Variants in CNTN6 observed in about 807,000 individuals in gnomAD.
CNTN6 encodes contactin-6.
CNTN6 carries 137 observed loss-of-function variants against 122.8 expected under a neutral mutation model. That is an observed-to-expected ratio of 1.12 (90% CI 0.97 to 1.29). The LOEUF is 1.29. CNTN6 is among the 50% of genes most tolerant of loss of function. CNTN6 has a pLI of 0.00. For synonymous variants in CNTN6, 570 were observed against 426.0 expected, an observed-to-expected ratio of 1.34 and a Z score of -4.16; for missense variants, 1,634 against 1,223.4, an observed-to-expected ratio of 1.34 and a Z score of -5.01.
At position 1,402,385 on chromosome 3, in the gene CNTN6, TTC is replaced by T. The variant is rs1214020275; in HGVS notation, c.2887_2888del (p.Leu963GlyfsTer4). On this transcript the variant is annotated frameshift_variant, in exon 22 of 23. Coordinates refer to ENST00000446702, the MANE Select transcript of CNTN6 (RefSeq NM_001289080.2). LOFTEE classifies it high-confidence loss of function. ...GAAACAAACAATACATCAGCTGAGCTTCTGGTTCCATTTGAAGAAGACTACTT... is the reference window on the plus strand; with the variant it reads ...GAAACAAACAATACATCAGCTGAGCTTGGTTCCATTTGAAGAAGACTACTT... The T allele has an allele frequency of 6.2e-7, 1 of 1,612,528 alleles. No homozygotes were observed. Among genetic ancestry groups the T allele is most frequent in the Non-Finnish European group, 8.5e-7 (1 of 1,179,116 alleles).
chr3:1,364,700 G>C (rs944051004), intron 12 of CNTN6, among the ~76,000 whole-genome samples: 2 of 151,908 alleles, frequency 1.3e-5, no homozygotes, highest in Non-Finnish European at 2.9e-5. Context: ...AAATGGTCCT[G>C]ACATAAGTTT....
At chr3:1,309,150 T>A (rs1275579671) in intron 7 of CNTN6, among the ~76,000 whole-genome samples, 1 of 139,514 alleles carries the variant, frequency 7.2e-6, no homozygotes, top group African/African-American at 3.1e-5. Flanking sequence ...ATGTGCAGGT[T>A]ATCAATTTTT....
chr3:1,210,975 A>T (rs1364135924), intron 2 of CNTN6, among the ~76,000 whole-genome samples: 1 of 152,170 alleles, frequency 6.6e-6, no homozygotes, highest in Non-Finnish European at 1.5e-5. Context: ...CCCACCATTC[A>T]GTGTAAATGT....
intron 12 of CNTN6, among the ~76,000 whole-genome samples, chr3:1,365,099 A>G (rs1708025879): frequency 6.6e-6 from 1 of 151,976 alleles, no homozygotes; most frequent in Non-Finnish European, 1.5e-5. Flanking sequence ...TTATTATTGA[A>G]AATTGCAAGC....
chr3:1,387,397 G>T (rs976902359), intron 20 of CNTN6, among the ~76,000 whole-genome samples: 4 of 152,182 alleles, frequency 2.6e-5, no homozygotes, highest in African/African-American at 9.7e-5. Context: ...AGATAACTTG[G>T]ATGTATGATT....
At chr3:1,197,636 T>C (rs942543309) in intron 2 of CNTN6, among the ~76,000 whole-genome samples, 2 of 152,190 alleles carry the variant, frequency 1.3e-5, no homozygotes, top group African/African-American at 2.4e-5. Flanking sequence ...TGTGCACTTA[T>C]GTGGAGAGGA....
chr3:1,249,727 C>G (rs1053766538), intron 4 of CNTN6, among the ~76,000 whole-genome samples: 2 of 152,144 alleles, frequency 1.3e-5, no homozygotes, highest in Non-Finnish European at 2.9e-5. Context: ...TTATATAACC[C>G]TCCTGTAATT....
At chr3:1,189,898 G>A (rs1229709975) in intron 2 of CNTN6, among the ~76,000 whole-genome samples, 6 of 152,176 alleles carry the variant, frequency 3.9e-5, no homozygotes, top group Non-Finnish European at 7.3e-5. Flanking sequence ...GCATTCTATT[G>A]CATATCACAA....
At chr3:1,116,901 C>T (rs530063323) in intron 1 of CNTN6, among the ~76,000 whole-genome samples, 4 of 152,132 alleles carry the variant, frequency 2.6e-5, no homozygotes, top group Non-Finnish European at 5.9e-5. Context: ...GACAAGGTTT[C>T]GCCATGTTGG....
chr3:1,241,800 A>G (rs565858667), intron 4 of CNTN6, among the ~76,000 whole-genome samples: 17 of 152,306 alleles, frequency 1.1e-4, no homozygotes, highest in African/African-American at 3.1e-4. Flanking sequence ...TTGGAGGACA[A>G]CTGCAGCTAA....
chr3:1,315,173 C>T (rs1245501656), intron 7 of CNTN6, among the ~76,000 whole-genome samples: 2 of 151,968 alleles, frequency 1.3e-5, no homozygotes, highest in Non-Finnish European at 2.9e-5. Flanking sequence ...CTTCAAAGAT[C>T]CACCTTCCTC....
intron 1 of CNTN6, among the ~76,000 whole-genome samples, chr3:1,118,133 G>T (rs1180953942): frequency 1.3e-5 from 2 of 152,132 alleles, no homozygotes; most frequent in Admixed American, 1.3e-4. Flanking sequence ...TAACTCTGCT[G>T]CGGTGGTTGT....
At chr3:1,310,376 A>C (rs1175161695) in intron 7 of CNTN6, among the ~76,000 whole-genome samples, 1 of 152,024 alleles carries the variant, frequency 6.6e-6, no homozygotes, top group Non-Finnish European at 1.5e-5. Flanking sequence ...AGTTGATATG[A>C]TCATGTGATT....
At chr3:1,289,263 G>A (rs1694880391) in intron 5 of CNTN6, among the ~76,000 whole-genome samples, 1 of 152,132 alleles carries the variant, frequency 6.6e-6, no homozygotes, top group Admixed American at 6.6e-5. Context: ...AAAGCCCCCA[G>A]TGCAGGCTGG....
chr3:1,208,808 A>C (rs1424128463), intron 2 of CNTN6, among the ~76,000 whole-genome samples: 1 of 152,140 alleles, frequency 6.6e-6, no homozygotes, highest in African/African-American at 2.4e-5. Flanking sequence ...TCATATTACA[A>C]GTTTAACTTG....
At chr3:1,293,395 A>G (rs1448486635) in intron 5 of CNTN6, among the ~76,000 whole-genome samples, 5 of 151,846 alleles carry the variant, frequency 3.3e-5, no homozygotes, top group South Asian at 4.2e-4. Flanking sequence ...GTTTGTCTCT[A>G]TAGATCAGAT....
intron 4 of CNTN6, among the ~76,000 whole-genome samples, chr3:1,235,346 T>C (rs753814202): frequency 7.9e-5 from 12 of 152,108 alleles, no homozygotes; most frequent in Non-Finnish European, 1.5e-4. Context: ...TTTATGAACA[T>C]AGCACATAGA....
At chr3:1,293,641 C>G (rs553320846) in intron 5 of CNTN6, among the ~76,000 whole-genome samples, 3 of 152,126 alleles carry the variant, frequency 2.0e-5, no homozygotes, top group Non-Finnish European at 4.4e-5. Context: ...CAAGAGGCTC[C>G]AAGATGCATA....
intron 1 of CNTN6, 72 bp from the exon 2 acceptor site, chr3:1,147,855 C>T (rs917409707): frequency 3.9e-6 from 2 of 513,628 alleles, no homozygotes; most frequent in Non-Finnish European, 7.1e-6. Flanking sequence ...AATTAATATG[C>T]AACAAAAATA....
Sources: allele counts gnomAD v4.1 joint callset (sites outside exome capture counted in the v4.1 genomes callset), GRCh38; gene constraint gnomAD v4.1.1; transcripts MANE v1.5; gene names NCBI Gene and HGNC (gene_info 2026-07-23, HGNC 2026-07-21).